Variants in FAM98B observed in about 807,000 individuals in gnomAD.
FAM98B encodes tRNA splicing ligase complex subunit 3B.
FAM98B carries 32 observed loss-of-function variants against 43.9 expected under a neutral mutation model. The ratio of observed to expected loss-of-function variants is 0.73; its 90% CI spans 0.55 to 0.98. FAM98B has a LOEUF of 0.98. Ranked by LOEUF, FAM98B falls within the 50% of genes least tolerant of loss-of-function variation. The pLI, the probability that FAM98B is intolerant of heterozygous loss-of-function variation, is 0.00. For missense variants in FAM98B, 514 were observed against 522.9 expected (o/e 0.98, Z 0.17); for synonymous variants, 190 against 174.0 (o/e 1.09, Z -0.72).
chr15:38,466,182 TTGTGTGTGTGTGTGTG>T (rs35919139), intron 3 of FAM98B, among the ~76,000 whole-genome samples: 9 of 147,698 alleles, frequency 6.1e-5, no homozygotes, highest in African/African-American at 1.0e-4. Flanking sequence ...GAGATGAAAT[TTGTGTGTGTGTGTGTG>T]TGTGTGTGTG....
chr15:38,480,588 T>C (rs1408064100), intron 6 of FAM98B, among the ~76,000 whole-genome samples: 1 of 151,936 alleles, frequency 6.6e-6, no homozygotes, highest in African/African-American at 2.4e-5. Flanking sequence ...CATTTTTTTT[T>C]TCCATCTGCA....
chr15:38,482,686 A>C (rs1442365948), intron 7 of FAM98B: 1 of 152,208 alleles, frequency 6.6e-6, no homozygotes. Flanking sequence ...GTGTATAATT[A>C]ATTGGTCATT....
At position 38,484,597 on chromosome 15, in the gene FAM98B, T is replaced by C. The variant is rs1374385171; in HGVS notation, c.1240T>C (p.Tyr414His). ...GYGGRGYGDP[Y>H]GGGGGGGGGG... The stretch of plus-strand genomic sequence containing the variant: ...TGGTGGAAGAGGCTATGGAGATCCA[T>C]ATGGAGGAGGTGGTGGTGGTGGTGG... The change falls in exon 8 of 8, where the codon TAT becomes CAT. Residue 414 changes from tyrosine to histidine, a missense_variant. By Grantham distance (83) the Tyr-to-His change is moderately conservative. Around this residue, in one of 2 missense-constraint regions of FAM98B, gnomAD observed 45 missense variants for 71.1 expected, o/e 0.63. Transcript: ENST00000397609. 4.4e-6 allele frequency: 6 copies of C among 1,368,284 alleles called. No homozygotes were observed. The highest frequency in any genetic ancestry group is 9.4e-7 in the Non-Finnish European group (1 of 1,058,926). The allele number at this position is 1,368,284 out of a possible 1,614,324, so 84.8% of individuals were successfully genotyped here.
Position 38,454,202 on chromosome 15 carries a change from G to GT in FAM98B, c.41_42insT (p.Asp15ArgfsTer12). On this transcript the variant is annotated frameshift_variant, in exon 1 of 8. Coordinates refer to ENST00000397609, the MANE Select transcript of FAM98B (RefSeq NM_173611.4). LOFTEE classifies it high-confidence loss of function. The stretch of plus-strand genomic sequence containing the variant: ...CCGGGTCCCCAACCGACGATGGAGG[G>GT]AGACGTGCTGGACACACTGGAGGCG... 1 of 1,604,520 alleles carries GT rather than the reference G, an allele frequency of 6.2e-7. No individual in the cohort carries two copies. Among genetic ancestry groups the GT allele is most frequent in the East Asian group, 2.2e-5 (1 of 44,514 alleles).
At chr15:38,465,117 A>G (rs190252039) in intron 2 of FAM98B, 152 bp from the exon 3 acceptor site, 35 of 619,394 alleles carry the variant, frequency 5.7e-5, no homozygotes, top group Non-Finnish European at 7.3e-5. Context: ...TTACTATTTC[A>G]GTTGTTAACG....
intron 1 of FAM98B, among the ~76,000 whole-genome samples, chr15:38,461,006 C>T (rs1889938055): frequency 6.6e-6 from 1 of 152,068 alleles, no homozygotes; most frequent in Non-Finnish European, 1.5e-5. Context: ...ATGTTAAATG[C>T]ATTTATTTGT....
At chr15:38,459,247 C>T in intron 1 of FAM98B, 2 of 473,922 alleles carry the variant, frequency 4.2e-6, no homozygotes, top group Middle Eastern at 7.7e-4. Context: ...CACACAGATC[C>T]TCCTTTGATC....
At position 38,461,366 on chromosome 15, in the gene FAM98B, A is replaced by G. The variant is rs543227385; in HGVS notation, c.72-2666A>G. On this transcript the variant is annotated intron_variant, in intron 1 of 7. Transcript: ENST00000397609. ...GCTCTGCCTTTACTTGGCTGTATCA[A>G]CTGGACCAGATTATTTCCTTAGTTT... Among the ~76,000 whole-genome samples the G allele has an allele frequency of 1.1e-4, 17 of 152,300 alleles. No individual in the cohort carries two copies. The East Asian group carries it at 1.5e-3, about 14-fold the overall frequency.
chr15:38,481,382 G>C lies in FAM98B; in HGVS notation c.820G>C (p.Ala274Pro). 2 of 1,614,162 alleles carry C rather than the reference G, an allele frequency of 1.2e-6. No individual in the cohort carries two copies. The highest frequency in any genetic ancestry group is 1.7e-6 in the Non-Finnish European group (2 of 1,180,022). Reference protein sequence around the residue: ...TTITMAHLLAAREDLSKIIRT... With the variant: ...TTITMAHLLAPREDLSKIIRT... ...GATTACAATGGCACATCTACTTGCT[G>C]CTCGTGAAGATCTATCCAAGATCAT... Residue 274 changes from alanine (A) to proline (P), a missense_variant, in exon 7 of 8, where the codon GCT becomes CCT. Coordinates refer to ENST00000397609, the MANE Select transcript of FAM98B (RefSeq NM_173611.4).
chr15:38,463,533 A>G (rs201408378), intron 1 of FAM98B, among the ~76,000 whole-genome samples: 1,700 of 147,184 alleles, frequency 0.012, 19 homozygotes, highest in Non-Finnish European at 0.019. Flanking sequence ...AAATAAAATA[A>G]AATAGTAAAG....
intron 7 of FAM98B, chr15:38,483,756 A>G (rs940220084): frequency 6.7e-6 from 1 of 148,254 alleles, no homozygotes. Flanking sequence ...ATTTTTTCAT[A>G]TTTCCTTTTT....
intron 1 of FAM98B, chr15:38,459,496 G>T: frequency 3.0e-6 from 1 of 333,670 alleles, no homozygotes; most frequent in Non-Finnish European, 5.9e-6. Flanking sequence ...GTGAGCACCA[G>T]GGCATCTTCC....
intron 4 of FAM98B, among the ~76,000 whole-genome samples, chr15:38,473,271 G>T (rs900642298): frequency 6.6e-6 from 1 of 152,086 alleles, no homozygotes; most frequent in Non-Finnish European, 1.5e-5. Context: ...AGCTGTCTGT[G>T]TATGTTCGTT....
chr15:38,472,281 A>G (rs1172840690), intron 4 of FAM98B, among the ~76,000 whole-genome samples: 1 of 152,152 alleles, frequency 6.6e-6, no homozygotes, highest in Non-Finnish European at 1.5e-5. Context: ...AATGTATGAA[A>G]AAACCTAAAA....
chr15:38,458,751 C>CT (rs1395635496), intron 1 of FAM98B: 1 of 345,148 alleles, frequency 2.9e-6, no homozygotes, highest in African/African-American at 2.1e-5. Flanking sequence ...GCAGGGAAGG[C>CT]TAAGAGGCCT....
chr15:38,484,760 T>G lies in FAM98B; in HGVS notation c.*101T>G. 1 of 1,450,182 alleles carries G rather than the reference T, an allele frequency of 6.9e-7. No individual in the cohort carries two copies. Among genetic ancestry groups the G allele is most frequent in the Non-Finnish European group, 9.0e-7 (1 of 1,110,600 alleles). 89.8% of individuals were successfully genotyped at this position (1,450,182 alleles called of 1,614,324 possible). ...AATATCATCTTTGAAGTAAACACCA[T>G]GTTAGACTCCCTGGTGATACCACTC... On this transcript the variant is annotated 3_prime_UTR_variant, in exon 8 of 8. Transcript: ENST00000397609.
At chr15:38,476,408 C>T (rs115256209) in intron 6 of FAM98B, among the ~76,000 whole-genome samples, 106 of 150,376 alleles carry the variant, frequency 7.0e-4, no homozygotes, top group African/African-American at 2.5e-3. Flanking sequence ...ACTGTTTTAG[C>T]TTTTATATTT....
intron 1 of FAM98B, among the ~76,000 whole-genome samples, chr15:38,454,560 T>C (rs1443081893): frequency 1.3e-5 from 2 of 152,234 alleles, no homozygotes. Context: ...AGGTGATATT[T>C]GTGTTGACGT....
Position 38,464,016 on chromosome 15 carries a change from AT to A in FAM98B, c.72-13del. 1 of 1,579,784 alleles carries A rather than the reference AT, an allele frequency of 6.3e-7. No homozygotes were observed. Among genetic ancestry groups the A allele is most frequent in the Non-Finnish European group, 8.6e-7 (1 of 1,163,208 alleles). On this transcript the variant is annotated splice_polypyrimidine_tract_variant and intron_variant, in intron 1 of 7. Transcript: ENST00000397609. The stretch of plus-strand genomic sequence containing the variant: ...TTGGCTTATTTAGTTTTTAACTTGT[AT>A]TTCTTCCTTTCTAGGTATAAAGGAC...
Sources: gnomAD v4.1 joint callset for allele counts (sites outside exome capture counted in the v4.1 genomes callset) on GRCh38, gnomAD v4.1.1 for gene constraint, gnomAD v4.1.1 regional missense constraint, MANE v1.5 for transcripts, NCBI Gene and HGNC (gene_info 2026-07-23, HGNC 2026-07-21) for gene names.